Variants in CNTNAP2 observed in about 807,000 individuals in gnomAD.
CNTNAP2 encodes contactin-associated protein-like 2.
In CNTNAP2, 98 loss-of-function variants were observed where a neutral mutation model predicts 155.2. That is an observed-to-expected ratio of 0.63 (90% CI 0.54 to 0.75). CNTNAP2 has a LOEUF of 0.75. CNTNAP2 is among the 30% of genes least tolerant of loss of function. CNTNAP2 has a pLI of 0.00. For synonymous variants in CNTNAP2, 651 were observed against 631.2 expected (o/e 1.03, Z -0.47); for missense variants, 1,727 against 1,688.1 (o/e 1.02, Z -0.40).
chr7:148,133,986 A>G (rs1804886011), intron 16 of CNTNAP2: 2 of 152,324 alleles, frequency 1.3e-5, no homozygotes, highest in East Asian at 3.9e-4. Context: ...AGACCGTGCA[A>G]CATAGAAGCA....
intron 3 of CNTNAP2, among the ~76,000 whole-genome samples, chr7:147,026,371 G>T (rs1167043917): frequency 6.6e-6 from 1 of 152,020 alleles, no homozygotes; most frequent in African/African-American, 2.4e-5. Flanking sequence ...GTATAATTTT[G>T]TTTGCTTTTT....
intron 1 of CNTNAP2, among the ~76,000 whole-genome samples, chr7:146,316,117 T>G (rs534819273): frequency 6.6e-6 from 1 of 152,348 alleles, no homozygotes; most frequent in African/African-American, 2.4e-5. Context: ...GCCATTTGCC[T>G]TCTGTATTAA....
intron 3 of CNTNAP2, among the ~76,000 whole-genome samples, chr7:146,875,414 G>A (rs1018371865): frequency 6.6e-6 from 1 of 152,122 alleles, no homozygotes; most frequent in Non-Finnish European, 1.5e-5. Flanking sequence ...TTTTCTTAGA[G>A]CATTCCCTTT....
Position 146,460,197 on chromosome 7 carries a change from G to A in CNTNAP2, c.98-314074G>A, listed in dbSNP as rs1796616140. On this transcript the variant is annotated intron_variant, in intron 1 of 23. Coordinates refer to ENST00000361727, the MANE Select transcript of CNTNAP2 (RefSeq NM_014141.6). The stretch of plus-strand genomic sequence containing the variant: ...ATTTTGAAATTGTCAGGAGAATGAA[G>A]TCTAGCTTCACAGCAAAAGCAGTTC... Among the ~76,000 whole-genome samples, 3 of 152,246 alleles carry A rather than the reference G, an allele frequency of 2.0e-5. No individual in the cohort carries two copies. The South Asian group carries it at 6.2e-4, about 32-fold the overall frequency.
At chr7:147,475,862 C>T (rs1798311040) in intron 10 of CNTNAP2, among the ~76,000 whole-genome samples, 1 of 152,142 alleles carries the variant, frequency 6.6e-6, no homozygotes, top group South Asian at 2.1e-4. Flanking sequence ...ACATCATTTA[C>T]TAAGTAAAGC....
chr7:147,407,187 G>A (rs1797018778), intron 10 of CNTNAP2, among the ~76,000 whole-genome samples: 1 of 152,092 alleles, frequency 6.6e-6, no homozygotes, highest in Non-Finnish European at 1.5e-5. Flanking sequence ...ATACACATAA[G>A]GCCGGGTGCA....
chr7:146,571,908 T>G (rs1163172222), intron 1 of CNTNAP2, among the ~76,000 whole-genome samples: 1 of 152,068 alleles, frequency 6.6e-6, no homozygotes, highest in Non-Finnish European at 1.5e-5. Flanking sequence ...ATTTTTTGTA[T>G]TTTTAGTAGA....
chr7:147,048,317 C>G (rs1044666472), intron 4 of CNTNAP2, among the ~76,000 whole-genome samples: 1 of 151,930 alleles, frequency 6.6e-6, no homozygotes, highest in Non-Finnish European at 1.5e-5. Flanking sequence ...GAACCAGAGG[C>G]TGTAGTGATA....
chr7:147,612,872 C>T (rs140518043), intron 12 of CNTNAP2, among the ~76,000 whole-genome samples: 78 of 152,254 alleles, frequency 5.1e-4, no homozygotes, highest in African/African-American at 1.9e-3. Context: ...CATAAATATA[C>T]TTCTAATTGT....
chr7:147,836,546 C>T (rs1340878344), intron 13 of CNTNAP2, among the ~76,000 whole-genome samples: 1 of 152,202 alleles, frequency 6.6e-6, no homozygotes, highest in African/African-American at 2.4e-5. Context: ...ATCAGCCCCA[C>T]ACATACACTC....
intron 3 of CNTNAP2, among the ~76,000 whole-genome samples, chr7:146,849,770 A>G (rs1371420878): frequency 2.0e-5 from 3 of 152,228 alleles, no homozygotes; most frequent in South Asian, 2.1e-4. Context: ...TACGAATGCT[A>G]TCATTAATGT....
At chr7:147,620,094 T>C (rs1801365324) in intron 12 of CNTNAP2, among the ~76,000 whole-genome samples, 1 of 152,260 alleles carries the variant, frequency 6.6e-6, no homozygotes. Context: ...AGTATGTCTA[T>C]GAGTCTGCAA....
chr7:146,835,052 T>A lies in CNTNAP2; in HGVS notation c.209-4659T>A, dbSNP rs557495379. Among the ~76,000 whole-genome samples, 23 of 152,314 alleles carry A rather than the reference T, an allele frequency of 1.5e-4. No individual in the cohort carries two copies. The East Asian group carries it at 4.1e-3, about 27-fold the overall frequency. ...ATCACTACAGTATTCTCTCCACATA[T>A]ATTTCTGCTAAGAAATACATTTTGA... On this transcript the variant is annotated intron_variant, in intron 2 of 23. Transcript: ENST00000361727.
At chr7:147,527,638 A>G (rs1440696265) in intron 11 of CNTNAP2, among the ~76,000 whole-genome samples, 1 of 152,236 alleles carries the variant, frequency 6.6e-6, no homozygotes, top group Non-Finnish European at 1.5e-5. Context: ...AGCAGAATTT[A>G]AATTATAATG....
At chr7:147,864,421 G>T (rs1377807145) in intron 13 of CNTNAP2, among the ~76,000 whole-genome samples, 1 of 151,540 alleles carries the variant, frequency 6.6e-6, no homozygotes, top group Non-Finnish European at 1.5e-5. Context: ...GGTCTTTTTT[G>T]CTTCCATATG....
rs183256004 is a variant in CNTNAP2 at position 147,304,165 on chromosome 7, T to C, written c.1498+3875T>C. ...TGCCGGCAAAGTCTTAGTCCTCCTT[T>C]GTAACATCCATGATCAGATGATGTT... is the stretch of plus-strand genomic sequence containing the variant. On this transcript the variant is annotated intron_variant, in intron 9 of 23. Transcript: ENST00000361727. 7.8e-4 allele frequency among the ~76,000 whole-genome samples: 119 copies of C among 152,310 alleles called. 2 individuals are homozygous for C. The highest frequency in any genetic ancestry group is 2.6e-3 in the African/African-American group (109 of 41,572).
intron 1 of CNTNAP2, among the ~76,000 whole-genome samples, chr7:146,530,156 C>A (rs1797748217): frequency 6.6e-6 from 1 of 152,078 alleles, no homozygotes; most frequent in Non-Finnish European, 1.5e-5. Flanking sequence ...ATAAATGGTG[C>A]TGGGATAACT....
rs145443843 is a variant in CNTNAP2, at chr7:147,989,070, C to G, written c.2383+11081C>G. Reference sequence around the variant, plus strand: ...TCCTAGTGGGACTTTGAGTGGAAAGCTGAGAGGCCTCATGTAGTTGTGCTT... The same window carrying G: ...TCCTAGTGGGACTTTGAGTGGAAAGGTGAGAGGCCTCATGTAGTTGTGCTT... On this transcript the variant is annotated intron_variant, in intron 15 of 23. Coordinates refer to ENST00000361727, the MANE Select transcript of CNTNAP2 (RefSeq NM_014141.6). 3.4e-3 allele frequency among the ~76,000 whole-genome samples: 525 copies of G among 152,284 alleles called. 3 individuals are homozygous for G. Among genetic ancestry groups the G allele is most frequent in the African/African-American group, 0.012 (496 of 41,554 alleles).
chr7:146,243,161 T>A (rs538555180), intron 1 of CNTNAP2, among the ~76,000 whole-genome samples: 1 of 152,284 alleles, frequency 6.6e-6, no homozygotes, highest in East Asian at 1.9e-4. Flanking sequence ...CTATCAAAAA[T>A]TACTTCTTCA....
Sources: allele counts gnomAD v4.1 joint callset (sites outside exome capture counted in the v4.1 genomes callset), GRCh38; gene constraint gnomAD v4.1.1; transcripts MANE v1.5; gene names NCBI Gene and HGNC (gene_info 2026-07-23, HGNC 2026-07-21).